The following SLC6A17 variants were observed in gnomAD, a reference collection of about 807,000 sequenced individuals.
SLC6A17 encodes solute carrier family 6 member 17.
SLC6A17 carries 21 observed loss-of-function variants against 64.5 expected under a neutral mutation model. The ratio of observed to expected loss-of-function variants is 0.33; its 90% CI spans 0.23 to 0.47. The LOEUF (loss-of-function observed/expected upper bound fraction) is 0.47. Among genes scored for constraint, SLC6A17 ranks in the 20% least tolerant of loss-of-function variants. SLC6A17 has a pLI of 1.00. For synonymous variants in SLC6A17, 372 were observed against 399.5 expected, an observed-to-expected ratio of 0.93 and a Z score of 0.82; for missense variants, 682 against 963.2, an observed-to-expected ratio of 0.71 and a Z score of 3.86.
chr1:110,185,742 T>C (rs557355470), intron 6 of SLC6A17, among the ~76,000 whole-genome samples: 1 of 152,298 alleles, frequency 6.6e-6, no homozygotes, highest in Admixed American at 6.5e-5. Flanking sequence ...CTGTTGTTGC[T>C]TGTTAGAATC....
chr1:110,195,560 C>G, intron 9 of SLC6A17, 26 bp from the exon 10 acceptor site: 1 of 1,612,674 alleles, frequency 6.2e-7, no homozygotes, highest in East Asian at 2.2e-5. Flanking sequence ...CCTTTGCCCC[C>G]AAACCGGCCT....
intron 6 of SLC6A17, among the ~76,000 whole-genome samples, chr1:110,184,279 T>A (rs1249513305): frequency 6.6e-6 from 1 of 151,948 alleles, no homozygotes; most frequent in Non-Finnish European, 1.5e-5. Context: ...CCCGGCTAAT[T>A]TTTTGTATTT....
chr1:110,192,203 T>C lies in SLC6A17; in HGVS notation c.1096T>C (p.Cys366Arg). Residue 366 changes from cysteine (C) to arginine (R), a missense_variant, in exon 7 of 12, where the codon TGT becomes CGT. Around this residue, in one of 3 missense-constraint regions of SLC6A17, gnomAD observed 415 missense variants for 603.8 expected, o/e 0.69. Transcript: ENST00000331565. This position sits in a 1 kb window ranked among gnomAD's most constrained non-coding sequence, Gnocchi z 4.3. Reference sequence around the variant, plus strand: ...CAAGGCCAACATCATGAATGAGAAGTGTGTGGTCGAGTAGGTGGCATCTCT... The same window carrying C: ...CAAGGCCAACATCATGAATGAGAAGCGTGTGGTCGAGTAGGTGGCATCTCT... ...GFKANIMNEK[C>R]VVENAEKILG... 1 of 1,609,928 alleles carries C rather than the reference T, an allele frequency of 6.2e-7. No individual in the cohort carries two copies. The highest frequency in any genetic ancestry group is 8.5e-7 in the Non-Finnish European group (1 of 1,176,610).
chr1:110,161,123 T>C (rs989582392), intron 1 of SLC6A17, among the ~76,000 whole-genome samples: 1 of 152,212 alleles, frequency 6.6e-6, no homozygotes, highest in Admixed American at 6.5e-5. Flanking sequence ...GGCCAGGCCC[T>C]GTCAGGAGCA....
At chr1:110,161,090 A>G (rs1249425112) in intron 1 of SLC6A17, among the ~76,000 whole-genome samples, 1 of 152,196 alleles carries the variant, frequency 6.6e-6, no homozygotes, top group Non-Finnish European at 1.5e-5. Flanking sequence ...AGCAGCATCC[A>G]GGGGCAGCAG....
At chr1:110,175,046 C>T (rs934265936) in intron 5 of SLC6A17, 86 bp downstream of exon 5, 3 of 1,492,470 alleles carry the variant, frequency 2.0e-6, no homozygotes, top group Non-Finnish European at 1.8e-6. Context: ...CCAGGCTGCC[C>T]TTTGCAGGGT....
rs564024314 is a variant in SLC6A17 at position 110,198,584 on chromosome 1, C to G, written c.*140C>G. Reference sequence around the variant, plus strand: ...GAGAGGGTCTGCCCTGCCTCACTCCCCTCTTCAGTCCCAGTAGACTCTGCT... The same window carrying G: ...GAGAGGGTCTGCCCTGCCTCACTCCGCTCTTCAGTCCCAGTAGACTCTGCT... On this transcript the variant is annotated 3_prime_UTR_variant, in exon 12 of 12. Transcript: ENST00000331565. The G allele has an allele frequency of 1.9e-4, 256 of 1,380,256 alleles. 3 individuals are homozygous for G. The highest frequency in any genetic ancestry group is 1.5e-3 in the South Asian group (103 of 70,960). The allele number at this position is 1,380,256 out of a possible 1,614,324, so 85.5% of individuals were successfully genotyped here.
At position 110,192,417 on chromosome 1, in the gene SLC6A17, C is replaced by A; in HGVS notation, c.1107-89C>A. The stretch of plus-strand genomic sequence containing the variant: ...GCCTCTGTCAGTGACCCATGAGGTT[C>A]CCACCTGGGTGCCTGGGAAGAGCCT... On this transcript the variant is annotated intron_variant, in intron 7 of 11. Coordinates refer to ENST00000331565, the MANE Select transcript of SLC6A17 (RefSeq NM_001010898.4). This position sits in a 1 kb window ranked among gnomAD's most constrained non-coding sequence, Gnocchi z 4.3. 6.7e-7 allele frequency: 1 copy of A among 1,500,808 alleles called. No homozygotes were observed. Among genetic ancestry groups the A allele is most frequent in the East Asian group, 2.3e-5 (1 of 43,968 alleles). The allele number at this position is 1,500,808 out of a possible 1,614,324, so 93.0% of individuals were successfully genotyped here. A position where few individuals can be genotyped will look rare whatever the true frequency, so the allele number is the denominator to read the frequency against.
At position 110,195,571 on chromosome 1, in the gene SLC6A17, C is replaced by A. The variant is rs758076603; in HGVS notation, c.1493-15C>A. ...TGCACCTTTGCCCCCAAACCGGCCT[C>A]CCGGCTCTCTGTAGTGGGCTGCTGT... On this transcript the variant is annotated splice_polypyrimidine_tract_variant and intron_variant, in intron 9 of 11. Transcript: ENST00000331565. 2 of 1,613,648 alleles carry A rather than the reference C, an allele frequency of 1.2e-6. No individual in the cohort carries two copies. The highest frequency in any genetic ancestry group is 1.7e-6 in the Non-Finnish European group (2 of 1,179,916).
intron 2 of SLC6A17, 124 bp downstream of exon 2, chr1:110,167,339 G>A: frequency 3.3e-6 from 4 of 1,214,920 alleles, no homozygotes; most frequent in Non-Finnish European, 4.5e-6. Context: ...CAGGATTCCA[G>A]AGTAAGACAG....
chr1:110,171,957 G>T, intron 2 of SLC6A17, 103 bp from the exon 3 acceptor site: 2 of 1,457,608 alleles, frequency 1.4e-6, no homozygotes, highest in South Asian at 2.6e-5. Flanking sequence ...ATTTGCGGAT[G>T]ACCAGAGATG....
chr1:110,173,363 T>C (rs533134666), intron 3 of SLC6A17, among the ~76,000 whole-genome samples: 4 of 152,256 alleles, frequency 2.6e-5, no homozygotes, highest in African/African-American at 7.2e-5. Flanking sequence ...TCCCTGCCCA[T>C]AGAAACATTG....
intron 6 of SLC6A17, among the ~76,000 whole-genome samples, chr1:110,183,203 A>G (rs1176251713): frequency 6.6e-6 from 1 of 152,254 alleles, no homozygotes; most frequent in Non-Finnish European, 1.5e-5. Flanking sequence ...TTATAGCCAA[A>G]AAGTAGAAAC....
At chr1:110,173,912 G>GAT in intron 3 of SLC6A17, 61 bp from the exon 4 acceptor site, 3 of 1,528,908 alleles carry the variant, frequency 2.0e-6, no homozygotes, top group South Asian at 1.3e-5. Context: ...CTCGGGTGGA[G>GAT]CGTGGGGGCA....
rs1468283370 is a variant in SLC6A17 at position 110,156,354 on chromosome 1, C to G, written c.-88+5471C>G. ...GCACTGCAGAACTTCCCAACCAGTG[C>G]CACAGATGGGTAGCATGTGGCCCAG... is the stretch of plus-strand genomic sequence containing the variant. On this transcript the variant is annotated intron_variant, in intron 1 of 11. Coordinates refer to ENST00000331565, the MANE Select transcript of SLC6A17 (RefSeq NM_001010898.4). Among the ~76,000 whole-genome samples the G allele has an allele frequency of 6.6e-5, 10 of 152,298 alleles. No homozygotes were observed. The South Asian group carries it at 2.1e-3, about 32-fold the overall frequency.
chr1:110,174,967 G>A lies in SLC6A17; in HGVS notation c.753+7G>A, dbSNP rs1030130194. ...CATCCAGTCCTCGGGGAAGGTGAGT[G>A]CTGAGGGGGGCACCCAGGACCCAAA... is the stretch of plus-strand genomic sequence containing the variant. On this transcript the variant is annotated splice_region_variant and intron_variant, in intron 5 of 11. Transcript: ENST00000331565. The A allele has an allele frequency of 9.3e-6, 15 of 1,611,140 alleles. No homozygotes were observed. In the Middle Eastern group the frequency reaches 1.0e-3, roughly 108 times the overall value.
At position 110,192,727 on chromosome 1, in the gene SLC6A17, C is replaced by T; in HGVS notation, c.1299+29C>T. ...CGGGGACAGGCTGCCCTTCCCAGGA[C>T]AGGCAGGAACCCAGAGAGCAGCTGT... On this transcript the variant is annotated intron_variant, in intron 8 of 11. Transcript: ENST00000331565. This position sits in a 1 kb window ranked among gnomAD's most constrained non-coding sequence, Gnocchi z 4.3. The T allele has an allele frequency of 6.3e-7, 1 of 1,594,200 alleles. No homozygotes were observed. Among genetic ancestry groups the T allele is most frequent in the Admixed American group, 1.7e-5 (1 of 58,244 alleles).
intron 1 of SLC6A17, among the ~76,000 whole-genome samples, chr1:110,161,841 C>T (rs1430364417): frequency 6.6e-6 from 1 of 152,222 alleles, no homozygotes; most frequent in African/African-American, 2.4e-5. Context: ...AGCCATCCCC[C>T]ACCACCTTGA....
At chr1:110,158,104 C>T (rs1401131115) in intron 1 of SLC6A17, among the ~76,000 whole-genome samples, 1 of 152,104 alleles carries the variant, frequency 6.6e-6, no homozygotes, top group African/African-American at 2.4e-5. Context: ...TGTCCCTCTG[C>T]ACTAGAAATA....
Sources: allele counts gnomAD v4.1 joint callset (sites outside exome capture counted in the v4.1 genomes callset), GRCh38; gene constraint gnomAD v4.1.1; regional missense constraint gnomAD v4.1.1; non-coding constraint Gnocchi (gnomAD v3.1); transcripts MANE v1.5; gene names NCBI Gene and HGNC (gene_info 2026-07-23, HGNC 2026-07-21).